Variants in LRP1B observed in about 807,000 individuals in gnomAD.
The protein encoded by LRP1B is LDL receptor related protein 1B, also known as low-density lipoprotein receptor-related protein 1B.
A neutral mutation model predicts 556.6 loss-of-function variants in LRP1B; 217 were observed. The ratio of observed to expected loss-of-function variants is 0.39; its 90% CI spans 0.35 to 0.44. The LOEUF (loss-of-function observed/expected upper bound fraction) is 0.44. LRP1B is among the 20% of genes least tolerant of loss of function. The pLI, the probability that LRP1B is intolerant of heterozygous loss-of-function variation, is 1.00. For missense variants in LRP1B, 5,053 were observed against 5,620.8 expected, an observed-to-expected ratio of 0.90 and a Z score of 3.23; for synonymous variants, 2,047 against 1,865.8, an observed-to-expected ratio of 1.10 and a Z score of -2.50.
chr2:141,924,861 A>G (rs1025030221), intron 1 of LRP1B, among the ~76,000 whole-genome samples: 2 of 152,184 alleles, frequency 1.3e-5, no homozygotes. Context: ...AGTGGGTGGA[A>G]GTGGGGGAGG....
chr2:141,938,215 G>T (rs1158514212), intron 1 of LRP1B, among the ~76,000 whole-genome samples: 1 of 151,982 alleles, frequency 6.6e-6, no homozygotes, highest in East Asian at 1.9e-4. Flanking sequence ...CTAATAAGGG[G>T]TTAATTTCTA....
intron 3 of LRP1B, among the ~76,000 whole-genome samples, chr2:141,305,971 T>C (rs1280125686): frequency 2.0e-5 from 3 of 152,218 alleles, no homozygotes; most frequent in Non-Finnish European, 4.4e-5. Context: ...CTTTTTGATA[T>C]ACTTTTGAAT....
chr2:141,004,760 C>T (rs1034927945), intron 15 of LRP1B, among the ~76,000 whole-genome samples: 1 of 151,972 alleles, frequency 6.6e-6, no homozygotes, highest in Non-Finnish European at 1.5e-5. Context: ...GAAGGGGCAC[C>T]ACATGGGGTA....
Position 140,238,223 on chromosome 2 carries a change from T to G in LRP1B, c.13489A>C (p.Met4497Leu), listed in dbSNP as rs749162634. ...NVEIGNPSYN[M>L]YEVDHDHNDG... ...TTGTGATCATGATCTACCTCATACATGTTATAAGATGGATTGCCAATTTCT... is the reference window on the plus strand; with the variant it reads ...TTGTGATCATGATCTACCTCATACAGGTTATAAGATGGATTGCCAATTTCT... The change falls in exon 89 of 91, where the codon ATG (methionine) becomes CTG (leucine). Residue 4497 changes from methionine to leucine, a missense_variant. This residue lies in a region of LRP1B where 551 missense variants were observed against 592.0 expected (regional missense o/e 0.93). Transcript: ENST00000389484. 7 of 1,600,822 alleles carry G rather than the reference T, an allele frequency of 4.4e-6. No individual in the cohort carries two copies. The highest frequency in any genetic ancestry group is 6.0e-6 in the Non-Finnish European group (7 of 1,170,100).
chr2:140,836,332 A>C (rs1425515375), intron 31 of LRP1B, among the ~76,000 whole-genome samples: 1 of 152,338 alleles, frequency 6.6e-6, no homozygotes, highest in Middle Eastern at 3.4e-3. Flanking sequence ...AGAGTTAATA[A>C]GCATCAAAGC....
intron 1 of LRP1B, among the ~76,000 whole-genome samples, chr2:141,820,432 C>A (rs1696715052): frequency 6.6e-6 from 1 of 152,104 alleles, no homozygotes; most frequent in African/African-American, 2.4e-5. Flanking sequence ...AATAGATATT[C>A]TTTACAAAAT....
chr2:140,939,191 T>C (rs1275646727), intron 20 of LRP1B, among the ~76,000 whole-genome samples: 2 of 152,092 alleles, frequency 1.3e-5, no homozygotes, highest in Non-Finnish European at 2.9e-5. Flanking sequence ...ACATTTACTA[T>C]GCATTCCCAG....
At chr2:141,326,479 T>C (rs1687433918) in intron 3 of LRP1B, among the ~76,000 whole-genome samples, 1 of 152,104 alleles carries the variant, frequency 6.6e-6, no homozygotes, top group Admixed American at 6.6e-5. Flanking sequence ...GAATGAAAGA[T>C]TTATTATATA....
At chr2:140,634,007 G>A (rs979782969) in intron 41 of LRP1B, among the ~76,000 whole-genome samples, 1 of 151,960 alleles carries the variant, frequency 6.6e-6, no homozygotes, top group African/African-American at 2.4e-5. Flanking sequence ...AAAGGAAAAC[G>A]GCAGACCAAT....
At chr2:141,994,096 G>T (rs1036176240) in intron 1 of LRP1B, among the ~76,000 whole-genome samples, 10 of 152,140 alleles carry the variant, frequency 6.6e-5, no homozygotes, top group African/African-American at 2.4e-4. Flanking sequence ...GGAACCCTGA[G>T]TGGCAGTCTT....
Position 141,802,764 on chromosome 2 carries a change from A to G in LRP1B, c.205+7515T>C, listed in dbSNP as rs138199613. 1.2e-4 allele frequency among the ~76,000 whole-genome samples: 18 copies of G among 152,254 alleles called. 1 individual carries two copies. The East Asian group carries it at 3.3e-3, about 28-fold the overall frequency. ...ATTTTATACACTGACTATAAAGAAT[A>G]AAGCGTCCTCCGGGAAGAAATGTGC... On this transcript the variant is annotated intron_variant, in intron 2 of 90. Transcript: ENST00000389484.
chr2:141,735,839 G>T (rs773719705), intron 2 of LRP1B, among the ~76,000 whole-genome samples: 1 of 152,040 alleles, frequency 6.6e-6, no homozygotes, highest in Non-Finnish European at 1.5e-5. Flanking sequence ...GACTCAGAAG[G>T]CCAAGATGGT....
At chr2:141,238,197 C>T (rs755287037) in intron 5 of LRP1B, among the ~76,000 whole-genome samples, 1 of 152,106 alleles carries the variant, frequency 6.6e-6, no homozygotes, top group African/African-American at 2.4e-5. Context: ...TGAGAAGTGG[C>T]TAATGGCTGC....
chr2:141,183,541 G>A (rs1175687987), intron 7 of LRP1B, among the ~76,000 whole-genome samples: 1 of 151,960 alleles, frequency 6.6e-6, no homozygotes, highest in African/African-American at 2.4e-5. Flanking sequence ...CTGGCAGATG[G>A]CCTGCTCTTG....
intron 2 of LRP1B, among the ~76,000 whole-genome samples, chr2:141,551,589 G>A (rs997076140): frequency 6.6e-6 from 1 of 152,004 alleles, no homozygotes; most frequent in African/African-American, 2.4e-5. Flanking sequence ...CAAAGAGTCT[G>A]TATTACCTTC....
chr2:140,788,341 G>A (rs1463855404), intron 32 of LRP1B, among the ~76,000 whole-genome samples: 1 of 152,200 alleles, frequency 6.6e-6, no homozygotes, highest in African/African-American at 2.4e-5. Context: ...TTATTTATCA[G>A]TATCATGGAT....
At chr2:141,691,111 G>C (rs542084927) in intron 2 of LRP1B, among the ~76,000 whole-genome samples, 78 of 152,026 alleles carry the variant, frequency 5.1e-4, no homozygotes, top group Middle Eastern at 3.4e-3. Flanking sequence ...AAGAAAGAGA[G>C]TGAGTTAGTA....
chr2:141,070,733 G>A (rs933435182), intron 7 of LRP1B, among the ~76,000 whole-genome samples: 99 of 152,128 alleles, frequency 6.5e-4, no homozygotes, highest in Admixed American at 2.8e-3. Flanking sequence ...ACACCTCTAC[G>A]CAAATAAACT....
At chr2:141,134,800 G>T (rs973459129) in intron 7 of LRP1B, among the ~76,000 whole-genome samples, 1 of 150,752 alleles carries the variant, frequency 6.6e-6, no homozygotes, top group Admixed American at 6.6e-5. Context: ...TGTGGTACAT[G>T]ATTTCATAGT....
Sources: allele counts gnomAD v4.1 joint callset (sites outside exome capture counted in the v4.1 genomes callset), GRCh38; gene constraint gnomAD v4.1.1; regional missense constraint gnomAD v4.1.1; transcripts MANE v1.5; gene names NCBI Gene and HGNC (gene_info 2026-07-23, HGNC 2026-07-21).